Variants in SMOC2 observed in about 807,000 individuals in gnomAD.
SMOC2 encodes the protein SPARC-related modular calcium-binding protein 2.
SMOC2 carries 39 observed loss-of-function variants against 61.4 expected under a neutral mutation model. The observed-to-expected ratio is 0.64, with a 90% CI of 0.49 to 0.83. SMOC2 has a LOEUF of 0.83. Ranked by LOEUF, SMOC2 falls within the 40% of genes least tolerant of loss-of-function variation. The pLI is 0.00. For synonymous variants in SMOC2, 247 were observed against 239.9 expected (o/e 1.03, Z -0.27); for missense variants, 556 against 592.9 (o/e 0.94, Z 0.65).
At chr6:168,591,978 C>A (rs572847742) in intron 7 of SMOC2, among the ~76,000 whole-genome samples, 1 of 152,274 alleles carries the variant, frequency 6.6e-6, no homozygotes, top group African/African-American at 2.4e-5. Flanking sequence ...GTAGCCTACT[C>A]CATCTGGAAT....
chr6:168,451,595 C>T (rs570060804), intron 1 of SMOC2, among the ~76,000 whole-genome samples: 81 of 116,422 alleles, frequency 7.0e-4, no homozygotes, highest in African/African-American at 2.9e-3. Flanking sequence ...CTCTCTCTGT[C>T]TCTGTCTCTC....
chr6:168,655,809 G>T (rs1562408012), intron 11 of SMOC2, among the ~76,000 whole-genome samples: 1 of 152,136 alleles, frequency 6.6e-6, no homozygotes, highest in Non-Finnish European at 1.5e-5. Flanking sequence ...GTATGTGCTG[G>T]ATCTCCCTGC....
chr6:168,652,804 A>G, intron 10 of SMOC2, 150 bp from the exon 11 acceptor site: 1 of 605,200 alleles, frequency 1.7e-6, no homozygotes, highest in Non-Finnish European at 2.8e-6. Context: ...TATTTCTTTA[A>G]ATTGTTATAT....
intron 9 of SMOC2, among the ~76,000 whole-genome samples, chr6:168,648,255 G>A (rs1356670780): frequency 6.6e-6 from 1 of 152,218 alleles, no homozygotes; most frequent in Admixed American, 6.5e-5. Context: ...AATTCATAGA[G>A]AGCAGCCCTG....
intron 7 of SMOC2, among the ~76,000 whole-genome samples, chr6:168,551,165 G>A (rs1440169430): frequency 6.6e-6 from 1 of 152,124 alleles, no homozygotes; most frequent in Non-Finnish European, 1.5e-5. Flanking sequence ...CTTCCTGCTG[G>A]CTTGTGATGA....
chr6:168,666,054 G>T (rs1318757576), intron 12 of SMOC2, among the ~76,000 whole-genome samples: 1 of 151,950 alleles, frequency 6.6e-6, no homozygotes, highest in African/African-American at 2.4e-5. Flanking sequence ...GGAAAATTAA[G>T]AATCAACTAT....
chr6:168,531,170 C>T lies in SMOC2; in HGVS notation c.463+3443C>T, dbSNP rs574634303. On this transcript the variant is annotated intron_variant, in intron 4 of 12. Coordinates refer to ENST00000356284, the MANE Select transcript of SMOC2 (RefSeq NM_001166412.2). ...ACCAGCAGGGAGTGATGGCCACACA[C>T]GCAGGGCCACGGTTGCTTGCATGCG... 6.6e-5 allele frequency among the ~76,000 whole-genome samples: 10 copies of T among 152,250 alleles called. No homozygotes were observed. The East Asian group carries it at 1.7e-3, about 27-fold the overall frequency.
At chr6:168,536,339 G>A (rs1057140714) in intron 4 of SMOC2, among the ~76,000 whole-genome samples, 4 of 152,070 alleles carry the variant, frequency 2.6e-5, no homozygotes, top group African/African-American at 7.2e-5. Flanking sequence ...TGGGGTCCTG[G>A]CCTGGCCATG....
chr6:168,649,661 T>C (rs976730363), intron 9 of SMOC2, among the ~76,000 whole-genome samples: 1 of 152,204 alleles, frequency 6.6e-6, no homozygotes, highest in Non-Finnish European at 1.5e-5. Flanking sequence ...TTTTGCTCCC[T>C]GCTTGTGAAG....
intron 7 of SMOC2, among the ~76,000 whole-genome samples, chr6:168,584,173 A>T (rs537526006): frequency 6.6e-6 from 1 of 152,178 alleles, no homozygotes; most frequent in African/African-American, 2.4e-5. Context: ...GATGAGAGAG[A>T]GAACCACAGA....
At chr6:168,474,370 A>T (rs1485036258) in intron 1 of SMOC2, among the ~76,000 whole-genome samples, 1 of 152,020 alleles carries the variant, frequency 6.6e-6, no homozygotes, top group East Asian at 1.9e-4. Context: ...TCCTTCCAGC[A>T]TTTCCTGCTG....
At chr6:168,606,273 C>T (rs557030246) in intron 8 of SMOC2, among the ~76,000 whole-genome samples, 99 of 152,278 alleles carry the variant, frequency 6.5e-4, no homozygotes, top group African/African-American at 2.3e-3. Context: ...CCCCCACCCC[C>T]ACATTTTCAA....
chr6:168,509,963 G>A lies in SMOC2; in HGVS notation c.133G>A (p.Ala45Thr), dbSNP rs147685249. ...AGACAAGGATTGTAGCTTGGACTGT[G>A]CGGGTTCGCCCCAGAAACCTCTCTG... is the stretch of plus-strand genomic sequence containing the variant. ...DKDKDCSLDC[A>T]GSPQKPLCAS... The change falls in exon 2 of 13, where the codon GCG becomes ACG. Residue 45 changes from alanine (A) to threonine (T), a missense_variant. Physicochemically the swap from Ala to Thr is moderately conservative, Grantham distance 58. Coordinates refer to ENST00000356284, the MANE Select transcript of SMOC2 (RefSeq NM_001166412.2). The A allele has an allele frequency of 1.1e-4, 182 of 1,614,174 alleles. No homozygotes were observed. Among genetic ancestry groups the A allele is most frequent in the Middle Eastern group, 1.6e-4 (1 of 6,062 alleles).
At chr6:168,655,645 C>T (rs2115279676) in intron 11 of SMOC2, among the ~76,000 whole-genome samples, 1 of 151,482 alleles carries the variant, frequency 6.6e-6, no homozygotes, top group East Asian at 2.0e-4. Context: ...CACGTGTGTG[C>T]TAGATCCCCC....
chr6:168,512,528 TA>T (rs1783032857), intron 2 of SMOC2, among the ~76,000 whole-genome samples: 1 of 152,200 alleles, frequency 6.6e-6, no homozygotes, highest in African/African-American at 2.4e-5. Flanking sequence ...CAAAATGCAG[TA>T]AAAAATTATT....
intron 1 of SMOC2, among the ~76,000 whole-genome samples, chr6:168,449,776 A>T (rs576775446): frequency 6.6e-6 from 1 of 152,356 alleles, no homozygotes; most frequent in East Asian, 1.9e-4. Context: ...ATTACCTTTA[A>T]TGAAGCATAA....
At chr6:168,443,535 A>G (rs970409198) in intron 1 of SMOC2, among the ~76,000 whole-genome samples, 4 of 152,368 alleles carry the variant, frequency 2.6e-5, no homozygotes, top group East Asian at 3.9e-4. Flanking sequence ...GATTAAAGCC[A>G]TAACACATTT....
In SMOC2 at chr6:168,626,714, C is replaced by A. The variant is rs562351133; in HGVS notation, c.907+18475C>A. Among the ~76,000 whole-genome samples, 391 of 152,294 alleles carry A rather than the reference C, an allele frequency of 2.6e-3. 2 individuals carry two copies. Among genetic ancestry groups the A allele is most frequent in the African/African-American group, 7.8e-3 (324 of 41,542 alleles). Reference sequence around the variant, plus strand: ...AACTTAACGCGTTCTGTTACCTAGGCCTGTGTTTAACGGCCTGTGTATCTT... The same window carrying A: ...AACTTAACGCGTTCTGTTACCTAGGACTGTGTTTAACGGCCTGTGTATCTT... On this transcript the variant is annotated intron_variant, in intron 9 of 12. Transcript: ENST00000356284.
At chr6:168,532,982 C>T (rs146034335) in intron 4 of SMOC2, among the ~76,000 whole-genome samples, 219 of 152,320 alleles carry the variant, frequency 1.4e-3, no homozygotes, top group African/African-American at 4.5e-3. Flanking sequence ...CATTTATTTC[C>T]TAACAAGCTC....
Sources: allele counts gnomAD v4.1 joint callset (sites outside exome capture counted in the v4.1 genomes callset), GRCh38; gene constraint gnomAD v4.1.1; transcripts MANE v1.5; gene names NCBI Gene and HGNC (gene_info 2026-07-23, HGNC 2026-07-21).